RAPGEF6: variants seen among roughly 807,000 people sequenced by gnomAD.
The protein encoded by RAPGEF6 is Rap guanine nucleotide exchange factor 6, also known as PDZ domain containing guanine nucleotide exchange factor (GEF) 2.
A neutral mutation model predicts 171.4 loss-of-function variants in RAPGEF6; 56 were observed. The ratio of observed to expected loss-of-function variants is 0.33; its 90% CI spans 0.26 to 0.41. The LOEUF (loss-of-function observed/expected upper bound fraction) is 0.41. Among genes scored for constraint, RAPGEF6 ranks in the 10% least tolerant of loss-of-function variants. RAPGEF6 has a pLI of 1.00. For synonymous variants in RAPGEF6, 692 were observed against 650.1 expected, an observed-to-expected ratio of 1.06 and a Z score of -0.98; for missense variants, 1,674 against 1,921.4, an observed-to-expected ratio of 0.87 and a Z score of 2.41.
chr5:131,486,406 T>C (rs891673078), intron 15 of RAPGEF6, among the ~76,000 whole-genome samples: 3 of 152,232 alleles, frequency 2.0e-5, no homozygotes, highest in Non-Finnish European at 4.4e-5. Flanking sequence ...ATACTGGAAG[T>C]AGAAAGTTGA....
chr5:131,463,625 A>G, intron 18 of RAPGEF6: 1 of 732,616 alleles, frequency 1.4e-6, no homozygotes, highest in Middle Eastern at 6.9e-4. Flanking sequence ...TACTACAGAA[A>G]TAATCTAGTT....
rs752679952 is a variant in RAPGEF6, at chr5:131,487,641, AGT to A, written c.1840+1903_1840+1904del. ...AGCGCTGATTGGTGTGTTTTTACAG[AGT>A]GCTGATTGGTGCGTTTACAATCTCT... On this transcript the variant is annotated intron_variant, in intron 15 of 27. Coordinates refer to ENST00000509018, the MANE Select transcript of RAPGEF6 (RefSeq NM_016340.6). Among the ~76,000 whole-genome samples the A allele has an allele frequency of 1.2e-4, 19 of 152,324 alleles. No homozygotes were observed. In the South Asian group the frequency reaches 2.3e-3, roughly 18 times the overall value.
rs370517736 is a variant in RAPGEF6 at position 131,442,419 on chromosome 5, C to G, written c.3540G>C (p.Gln1180His). The G allele has an allele frequency of 1.2e-6, 2 of 1,614,122 alleles. No individual in the cohort carries two copies. Among genetic ancestry groups the G allele is most frequent in the South Asian group, 2.2e-5 (2 of 91,086 alleles). The change falls in exon 23 of 28, where the codon CAG becomes CAC. Residue 1180 changes from glutamine to histidine, a missense_variant. By Grantham distance (24) the Gln-to-His change is conservative. Coordinates refer to ENST00000509018, the MANE Select transcript of RAPGEF6 (RefSeq NM_016340.6). ...AHLHQPHRVS[Q>H]VLQVPAVNLH... ...AATTAACAGCTGGCACCTGAAGCAC[C>G]TGGCTTACTCTGTGGGGTTGATGCA...
At chr5:131,593,640 G>A (rs780096214) in intron 3 of RAPGEF6, among the ~76,000 whole-genome samples, 2 of 152,218 alleles carry the variant, frequency 1.3e-5, no homozygotes, top group Non-Finnish European at 2.9e-5. Flanking sequence ...ATCTCAGATG[G>A]AGATGAGGAA....
chr5:131,428,704 C>T (rs1379371459), intron 27 of RAPGEF6, among the ~76,000 whole-genome samples, 198 bp downstream of exon 27: 2 of 152,004 alleles, frequency 1.3e-5, no homozygotes, highest in Middle Eastern at 3.2e-3. Context: ...TCAGGTGATT[C>T]GCCCGCCTCA....
chr5:131,511,682 A>G (rs1469363156), intron 7 of RAPGEF6, among the ~76,000 whole-genome samples: 1 of 151,942 alleles, frequency 6.6e-6, no homozygotes, highest in East Asian at 1.9e-4. Flanking sequence ...ATATTTGTAG[A>G]GACTCGGGGG....
chr5:131,607,296 C>A (rs1231935595), intron 1 of RAPGEF6, among the ~76,000 whole-genome samples: 4 of 152,128 alleles, frequency 2.6e-5, no homozygotes, highest in African/African-American at 9.7e-5. Flanking sequence ...CTATTGTATT[C>A]TATTTAATTT....
intron 7 of RAPGEF6, among the ~76,000 whole-genome samples, chr5:131,512,435 C>G (rs1757800677): frequency 6.6e-6 from 1 of 150,640 alleles, no homozygotes; most frequent in African/African-American, 2.4e-5. Context: ...GTGGTATGAT[C>G]ACAGCTCACT....
At chr5:131,512,596 T>C (rs1757809414) in intron 7 of RAPGEF6, among the ~76,000 whole-genome samples, 1 of 152,180 alleles carries the variant, frequency 6.6e-6, no homozygotes, top group African/African-American at 2.4e-5. Context: ...TCTGCACAGC[T>C]TTAAGTAATA....
At chr5:131,588,918 A>C (rs891386448) in intron 4 of RAPGEF6, among the ~76,000 whole-genome samples, 35 of 152,018 alleles carry the variant, frequency 2.3e-4, no homozygotes, top group Non-Finnish European at 4.4e-4. Flanking sequence ...AAAAGTATAA[A>C]AATTAGCCGG....
In RAPGEF6 at chr5:131,429,094, G is replaced by C. The variant is rs748173062; in HGVS notation, c.4588C>G (p.Pro1530Ala). The C allele has an allele frequency of 2.5e-6, 4 of 1,614,054 alleles. No homozygotes were observed. The highest frequency in any genetic ancestry group is 2.5e-6 in the Non-Finnish European group (3 of 1,180,032). Reference sequence around the variant, plus strand: ...CTCTGCACTGCCACACTATAATCTGGAGGTTTTAGGTGTGTGTGGGGTCCT... The same window carrying C: ...CTCTGCACTGCCACACTATAATCTGCAGGTTTTAGGTGTGTGTGGGGTCCT... Reference protein sequence around the residue: ...KEGPHTHLKPPDYSVAVQRSK... With the variant: ...KEGPHTHLKPADYSVAVQRSK... The change falls in exon 27 of 28, where the codon CCA (proline) becomes GCA (alanine). Residue 1530 changes from proline (P) to alanine (A), a missense_variant. Physicochemically the swap from Pro to Ala is conservative, Grantham distance 27. Coordinates refer to ENST00000509018, the MANE Select transcript of RAPGEF6 (RefSeq NM_016340.6).
intron 24 of RAPGEF6, among the ~76,000 whole-genome samples, chr5:131,436,926 A>G (rs1272836073): frequency 6.6e-6 from 1 of 152,202 alleles, no homozygotes; most frequent in Non-Finnish European, 1.5e-5. Flanking sequence ...CTTCTTTTTT[A>G]AAGTTCTTGT....
chr5:131,571,996 T>C (rs1187393096), intron 4 of RAPGEF6, among the ~76,000 whole-genome samples: 1 of 152,132 alleles, frequency 6.6e-6, no homozygotes, highest in Non-Finnish European at 1.5e-5. Flanking sequence ...TGCAAAAAAT[T>C]GCTCCTAACA....
intron 11 of RAPGEF6, among the ~76,000 whole-genome samples, chr5:131,501,447 C>T (rs776589158): frequency 2.6e-5 from 4 of 151,698 alleles, no homozygotes; most frequent in Non-Finnish European, 4.4e-5. Flanking sequence ...AACATATTTT[C>T]AATATTTATG....
chr5:131,605,499 TAAATA>T (rs1386417307), intron 1 of RAPGEF6, among the ~76,000 whole-genome samples: 2 of 151,514 alleles, frequency 1.3e-5, no homozygotes, highest in Non-Finnish European at 2.9e-5. Context: ...TAATAAAAAA[TAAATA>T]AATAAAAAAT....
intron 4 of RAPGEF6, among the ~76,000 whole-genome samples, chr5:131,575,400 A>G (rs1348020599): frequency 6.6e-6 from 1 of 152,128 alleles, no homozygotes; most frequent in Non-Finnish European, 1.5e-5. Flanking sequence ...TCTGTTCTCA[A>G]AGAAGTATCG....
chr5:131,545,650 T>A (rs1581002831), intron 6 of RAPGEF6, among the ~76,000 whole-genome samples: 1 of 152,356 alleles, frequency 6.6e-6, no homozygotes. Context: ...AGGTGTTACA[T>A]AATTGGTAGC....
chr5:131,614,281 C>CAAAAAAAAAA (rs386404987), intron 1 of RAPGEF6, among the ~76,000 whole-genome samples: 3 of 81,410 alleles, frequency 3.7e-5, no homozygotes, highest in African/African-American at 1.7e-4. Flanking sequence ...GACTCTGTCT[C>CAAAAAAAAAA]AAAAAAAAAA....
intron 6 of RAPGEF6, among the ~76,000 whole-genome samples, chr5:131,540,849 A>G (rs546977230): frequency 1.3e-5 from 2 of 152,340 alleles, no homozygotes; most frequent in East Asian, 3.9e-4. Context: ...ATTTAACTCT[A>G]CATATGTACC....
Sources: allele counts gnomAD v4.1 joint callset (sites outside exome capture counted in the v4.1 genomes callset), GRCh38; gene constraint gnomAD v4.1.1; transcripts MANE v1.5; gene names NCBI Gene and HGNC (gene_info 2026-07-23, HGNC 2026-07-21).